CDYL: variants seen among roughly 807,000 people sequenced by gnomAD.
CDYL encodes chromodomain Y like.
Under a neutral mutation model 47.3 loss-of-function variants are expected in CDYL, and 8 were observed. The ratio of observed to expected loss-of-function variants is 0.17; its 90% confidence interval spans 0.10 to 0.31. CDYL has a LOEUF of 0.31. Among genes scored for constraint, CDYL ranks in the 10% least tolerant of loss-of-function variants. CDYL has a pLI of 1.00. For synonymous variants in CDYL, 266 were observed against 265.0 expected (o/e 1.00, Z -0.04); for missense variants, 471 against 701.4 (o/e 0.67, Z 3.71).
At chr6:4,777,866 G>C (rs1234906870) in intron 1 of CDYL, among the ~76,000 whole-genome samples, 1 of 152,176 alleles carries the variant, frequency 6.6e-6, no homozygotes, top group Non-Finnish European at 1.5e-5. Flanking sequence ...TGCTTTTTAA[G>C]AGCAAGTGTT....
chr6:4,776,732 GCC>G lies in CDYL; in HGVS notation c.-51_-50del. 1 of 1,268,268 alleles carries G rather than the reference GCC, an allele frequency of 7.9e-7. No individual in the cohort carries two copies. 78.6% of individuals were successfully genotyped at this position (1,268,268 alleles called of 1,614,324 possible). On this transcript the variant is annotated 5_prime_UTR_variant, in exon 1 of 7. Transcript: ENST00000397588. ...TGAAACAAAGTGTCGGCCGCCCGGC[GCC>G]GGCGCCCGCCCCGACCCTGCCCCTC...
chr6:4,778,876 A>G (rs937268886), intron 1 of CDYL, among the ~76,000 whole-genome samples: 2 of 152,034 alleles, frequency 1.3e-5, no homozygotes, highest in African/African-American at 4.8e-5. Context: ...GAGTCAGACA[A>G]CCCAGTTAGT....
At chr6:4,900,826 TA>T (rs1757025067) in intron 2 of CDYL, among the ~76,000 whole-genome samples, 2 of 96,954 alleles carry the variant, frequency 2.1e-5, no homozygotes, top group African/African-American at 7.6e-5. Context: ...TATATATATA[TA>T]TATCTTGCCT....
chr6:4,909,212 AT>A (rs1232272169), intron 2 of CDYL, among the ~76,000 whole-genome samples: 2 of 152,184 alleles, frequency 1.3e-5, no homozygotes, highest in African/African-American at 4.8e-5. Context: ...TTATCATGTC[AT>A]TACTAAGCCC....
intron 2 of CDYL, among the ~76,000 whole-genome samples, chr6:4,924,393 C>G (rs970528942): frequency 6.6e-6 from 1 of 152,158 alleles, no homozygotes; most frequent in Non-Finnish European, 1.5e-5. Flanking sequence ...TGCCGTTCAC[C>G]TGCCCTTCTT....
chr6:4,740,086 T>C (rs1001866161), intron 3 of CDYL, among the ~76,000 whole-genome samples: 1 of 152,220 alleles, frequency 6.6e-6, no homozygotes, highest in Admixed American at 6.5e-5. Flanking sequence ...AAGCAGTACA[T>C]GTGAAATTAC....
chr6:4,874,423 T>TA (rs1196216647), intron 1 of CDYL, among the ~76,000 whole-genome samples: 4 of 152,156 alleles, frequency 2.6e-5, no homozygotes, highest in Non-Finnish European at 5.9e-5. Flanking sequence ...CAGGAACTGT[T>TA]GCTCTGTGCT....
intron 2 of CDYL, among the ~76,000 whole-genome samples, chr6:4,899,341 T>C (rs573793516): frequency 1.2e-3 from 188 of 152,366 alleles, no homozygotes; most frequent in Non-Finnish European, 2.2e-3. Context: ...ATTGGTGTTT[T>C]AAATTTTATG....
At chr6:4,735,006 G>T (rs561581319) in intron 3 of CDYL, among the ~76,000 whole-genome samples, 1 of 152,284 alleles carries the variant, frequency 6.6e-6, no homozygotes, top group African/African-American at 2.4e-5. Flanking sequence ...GATGTTTTTG[G>T]CCGGGCACAG....
chr6:4,807,406 CTG>C (rs1759400432), intron 1 of CDYL, among the ~76,000 whole-genome samples: 1 of 152,044 alleles, frequency 6.6e-6, no homozygotes, highest in Middle Eastern at 3.2e-3. Flanking sequence ...AACTTTGAGA[CTG>C]TGAAAATAGG....
At position 4,776,825 on chromosome 6, in the gene CDYL, G is replaced by A. The variant is rs1350641198; in HGVS notation, c.24+18G>A. 8.4e-5 allele frequency: 37 copies of A among 442,818 alleles called. 1 individual carries two copies. Among genetic ancestry groups the A allele is most frequent in the Non-Finnish European group, 9.7e-5 (33 of 341,120 alleles). 27.4% of individuals were successfully genotyped at this position (442,818 alleles called of 1,614,324 possible). The stretch of plus-strand genomic sequence containing the variant: ...TGTACGAGGTACCTCCCCTCCCCCC[G>A]GCCTCGGGCCGCCCCCCGCCCGCCG... On this transcript the variant is annotated intron_variant, in intron 1 of 6. Transcript: ENST00000397588.
intron 1 of CDYL, among the ~76,000 whole-genome samples, chr6:4,819,116 T>TTTTC (rs1218777784): frequency 2.6e-5 from 2 of 76,672 alleles, no homozygotes; most frequent in Non-Finnish European, 5.2e-5. Context: ...TTTAGGTTCG[T>TTTTC]TCTCTCTCTC....
intron 1 of CDYL, among the ~76,000 whole-genome samples, chr6:4,794,611 G>A (rs1759019126): frequency 6.6e-6 from 1 of 152,064 alleles, no homozygotes; most frequent in African/African-American, 2.4e-5. Flanking sequence ...GAGAGTGCAG[G>A]GACAGTGGCT....
At chr6:4,911,617 C>CGG (rs1278431491) in intron 2 of CDYL, among the ~76,000 whole-genome samples, 1 of 152,294 alleles carries the variant, frequency 6.6e-6, no homozygotes, top group East Asian at 1.9e-4. Context: ...CTAAAAGCCT[C>CGG]AGAGTTCATG....
intron 1 of CDYL, among the ~76,000 whole-genome samples, chr6:4,712,939 G>A (rs181972017): frequency 3.3e-4 from 50 of 152,288 alleles, no homozygotes; most frequent in African/African-American, 1.2e-3. Flanking sequence ...GAGGCCAGGC[G>A]TTTGAGACCA....
chr6:4,891,910 C>T lies in CDYL; in HGVS notation c.222C>T (p.Thr74=), dbSNP rs764033923. 1 of 1,613,986 alleles carries T rather than the reference C, an allele frequency of 6.2e-7. No individual in the cohort carries two copies. The highest frequency in any genetic ancestry group is 1.3e-5 in the African/African-American group (1 of 74,890). Reference sequence around the variant, plus strand: ...GCACATTGACCAGAACAAACAGGACCTCTCCCAACAATGCTAGGAAACAAA... The same window carrying T: ...GCACATTGACCAGAACAAACAGGACTTCTCCCAACAATGCTAGGAAACAAA... The part of the protein sequence containing the change: ...KESTLTRTNR[T]SPNNARKQIS... The change falls in exon 2 of 7, where the codon ACC becomes ACT. Residue 74 remains threonine, a synonymous_variant. Transcript: ENST00000397588.
intron 2 of CDYL, among the ~76,000 whole-genome samples, chr6:4,730,632 C>T (rs1430549461): frequency 1.4e-5 from 2 of 145,438 alleles, no homozygotes; most frequent in Non-Finnish European, 3.0e-5. Flanking sequence ...CGAGATTGCG[C>T]CATTGTACTC....
chr6:4,822,162 T>G (rs1025707894), intron 1 of CDYL, among the ~76,000 whole-genome samples: 9 of 151,738 alleles, frequency 5.9e-5, no homozygotes, highest in African/African-American at 2.2e-4. Flanking sequence ...TTTTTTTTTC[T>G]TTCTGTAGAG....
chr6:4,907,857 A>G (rs75685044), intron 2 of CDYL, among the ~76,000 whole-genome samples: 5,481 of 152,178 alleles, frequency 0.036, 104 homozygotes, highest in Middle Eastern at 0.082. Flanking sequence ...CCTCTAGAAC[A>G]TGGTGTGTTC....
Sources: gnomAD v4.1 joint callset for allele counts (sites outside exome capture counted in the v4.1 genomes callset) on GRCh38, gnomAD v4.1.1 for gene constraint, MANE v1.5 for transcripts, NCBI Gene and HGNC (gene_info 2026-07-23, HGNC 2026-07-21) for gene names.